Variants in PACSIN2 observed in about 807,000 individuals in gnomAD.
PACSIN2 encodes the protein protein kinase C and casein kinase substrate in neurons protein 2.
A neutral mutation model predicts 63.8 loss-of-function variants in PACSIN2; 25 were observed. The observed-to-expected ratio is 0.39, with a 90% CI of 0.29 to 0.55. The LOEUF is 0.55. PACSIN2 is among the 20% of genes least tolerant of loss of function. The pLI is 0.62. For missense variants in PACSIN2, 518 were observed against 646.9 expected (o/e 0.80, Z 2.16); for synonymous variants, 255 against 256.2 (o/e 1.00, Z 0.05).
intron 1 of PACSIN2, among the ~76,000 whole-genome samples, chr22:42,934,710 A>G (rs1932857480): frequency 6.6e-6 from 1 of 152,076 alleles, no homozygotes; most frequent in African/African-American, 2.4e-5. Flanking sequence ...TAGTTCCTCT[A>G]TGGTGCCATT....
rs1920937446 is a variant in PACSIN2, at chr22:42,964,543, C to A, written c.-78+50478G>T. Among the ~76,000 whole-genome samples, 3 of 152,094 alleles carry A rather than the reference C, an allele frequency of 2.0e-5. No homozygotes were observed. The South Asian group carries it at 6.2e-4, about 32-fold the overall frequency. On this transcript the variant is annotated intron_variant, in intron 1 of 10. Transcript: ENST00000263246. ...TCTTTCCCTAGCAGGCTAAAACTAA[C>A]AGCTGAGCCAGGACAGGGCAAGGGC...
chr22:42,927,727 A>G (rs1226875420), intron 1 of PACSIN2, among the ~76,000 whole-genome samples: 1 of 151,722 alleles, frequency 6.6e-6, no homozygotes, highest in Non-Finnish European at 1.5e-5. Context: ...AGCTGGGATT[A>G]GAAGCATGCA....
intron 1 of PACSIN2, among the ~76,000 whole-genome samples, chr22:42,987,449 A>AACACACACACACACACAC (rs745523623): frequency 1.5e-4 from 13 of 87,090 alleles, no homozygotes; most frequent in African/African-American, 5.4e-4. Flanking sequence ...GTCCAGGAGC[A>AACACACACACACACACAC]ACACACACAC....
At chr22:42,959,526 A>G (rs999694258) in intron 1 of PACSIN2, 1 of 152,202 alleles carries the variant, frequency 6.6e-6, no homozygotes, top group African/African-American at 2.4e-5. Flanking sequence ...ACAATCCTTC[A>G]TTTGTTTAAG....
intron 10 of PACSIN2, among the ~76,000 whole-genome samples, chr22:42,875,152 C>CTT (rs34029113): frequency 2.5e-4 from 37 of 146,882 alleles, no homozygotes; most frequent in Admixed American, 2.2e-3. Context: ...GCCCAGCCTA[C>CTT]TTTTTTTTTT....
chr22:42,996,735 A>T (rs938945544), intron 1 of PACSIN2, among the ~76,000 whole-genome samples: 5 of 152,096 alleles, frequency 3.3e-5, no homozygotes, highest in African/African-American at 1.2e-4. Context: ...GTCCAGGCCA[A>T]AATGGACACA....
intron 1 of PACSIN2, among the ~76,000 whole-genome samples, chr22:43,010,656 G>A (rs558895927): frequency 7.1e-4 from 108 of 152,196 alleles, no homozygotes; most frequent in Admixed American, 1.4e-3. Flanking sequence ...CCTGCAGTGA[G>A]CCAAGATCAC....
intron 2 of PACSIN2, among the ~76,000 whole-genome samples, chr22:42,902,434 C>T (rs1436845695): frequency 2.6e-5 from 4 of 152,154 alleles, no homozygotes; most frequent in Non-Finnish European, 5.9e-5. Flanking sequence ...TACTATGCCT[C>T]TATATGTCTC....
At chr22:42,910,161 G>A (rs1348357925) in intron 2 of PACSIN2, among the ~76,000 whole-genome samples, 1 of 152,166 alleles carries the variant, frequency 6.6e-6, no homozygotes, top group African/African-American at 2.4e-5. Context: ...GTCTTCACCT[G>A]TCCCCATTGC....
In PACSIN2 at chr22:42,891,187, G is replaced by A; in HGVS notation, c.218-5C>T. 1 of 1,605,460 alleles carries A rather than the reference G, an allele frequency of 6.2e-7. No homozygotes were observed. The highest frequency in any genetic ancestry group is 8.5e-7 in the Non-Finnish European group (1 of 1,173,224). The stretch of plus-strand genomic sequence containing the variant: ...CCACGGTCCCGTACTGGGGCCCTGT[G>A]CAGGGGAGAGAAGCTGCGGGTCACT... On this transcript the variant is annotated splice_polypyrimidine_tract_variant and splice_region_variant and intron_variant, in intron 3 of 10. Coordinates refer to ENST00000263246, the MANE Select transcript of PACSIN2 (RefSeq NM_001184970.3).
chr22:42,902,025 G>A (rs1026045486), intron 2 of PACSIN2, among the ~76,000 whole-genome samples: 4 of 152,222 alleles, frequency 2.6e-5, no homozygotes, highest in African/African-American at 9.6e-5. Flanking sequence ...TGAGCGTCTG[G>A]CAACACTCTC....
chr22:42,953,708 T>C (rs919011872), intron 1 of PACSIN2, among the ~76,000 whole-genome samples: 3 of 152,216 alleles, frequency 2.0e-5, no homozygotes, highest in African/African-American at 7.2e-5. Flanking sequence ...GGTTAAGTAA[T>C]GTGTTCAAAG....
intron 1 of PACSIN2, among the ~76,000 whole-genome samples, chr22:42,918,520 A>G (rs1468030860): frequency 6.6e-6 from 1 of 152,184 alleles, no homozygotes; most frequent in East Asian, 1.9e-4. Context: ...TATTGTTTCC[A>G]TTTGATGAAA....
At chr22:42,896,883 A>C (rs777409268) in intron 2 of PACSIN2, among the ~76,000 whole-genome samples, 2 of 152,212 alleles carry the variant, frequency 1.3e-5, no homozygotes, top group Non-Finnish European at 2.9e-5. Context: ...AATAATACTG[A>C]AAATCTTTTC....
intron 1 of PACSIN2, among the ~76,000 whole-genome samples, chr22:42,917,080 C>T (rs1569267446): frequency 6.6e-6 from 1 of 152,128 alleles, no homozygotes; most frequent in Non-Finnish European, 1.5e-5. Context: ...CCAGACACTG[C>T]GCCCCATGCA....
At chr22:42,982,736 G>C (rs1007795138) in intron 1 of PACSIN2, among the ~76,000 whole-genome samples, 3 of 138,706 alleles carry the variant, frequency 2.2e-5, no homozygotes, top group Non-Finnish European at 4.6e-5. Flanking sequence ...CAAACACTGC[G>C]GAAGGCTGCA....
At chr22:42,972,851 G>A (rs1258401664) in intron 1 of PACSIN2, among the ~76,000 whole-genome samples, 2 of 152,116 alleles carry the variant, frequency 1.3e-5, no homozygotes, top group African/African-American at 4.8e-5. Flanking sequence ...GCATGCCACT[G>A]CACCCAGCTC....
At chr22:42,899,381 G>A (rs774351786) in intron 2 of PACSIN2, among the ~76,000 whole-genome samples, 4 of 152,024 alleles carry the variant, frequency 2.6e-5, no homozygotes, top group Admixed American at 6.6e-5. Context: ...TCTGCCTCCC[G>A]GGTTTAAGCG....
chr22:42,914,282 GAGTGCAGT>G (rs1264900246), intron 1 of PACSIN2, among the ~76,000 whole-genome samples: 1 of 152,226 alleles, frequency 6.6e-6, no homozygotes, highest in Non-Finnish European at 1.5e-5. Context: ...GCCCGGGCTG[GAGTGCAGT>G]AGTGCAATCT....
Sources: allele counts gnomAD v4.1 joint callset (sites outside exome capture counted in the v4.1 genomes callset), GRCh38; gene constraint gnomAD v4.1.1; transcripts MANE v1.5; gene names NCBI Gene and HGNC (gene_info 2026-07-23, HGNC 2026-07-21).